The following HDX variants were observed in gnomAD, a reference collection of about 807,000 sequenced individuals.
HDX encodes chromosome X open reading frame 43.
HDX carries 19 observed loss-of-function variants against 45.2 expected under a neutral mutation model. The ratio of observed to expected loss-of-function variants is 0.42; its 90% CI spans 0.29 to 0.62. The LOEUF (loss-of-function observed/expected upper bound fraction) is 0.62. Among genes scored for constraint, HDX ranks in the 20% least tolerant of loss-of-function variants. The pLI, the probability that HDX is intolerant of heterozygous loss-of-function variation, is 0.20. For synonymous variants in HDX, 188 were observed against 172.8 expected (o/e 1.09, Z -0.69); for missense variants, 532 against 493.9 (o/e 1.08, Z -0.73).
intron 5 of HDX, among the ~76,000 whole-genome samples, chrX:84,396,494 A>G (rs2038567444): frequency 8.9e-6 from 1 of 111,772 alleles, no homozygotes; most frequent in Non-Finnish European, 1.9e-5. Flanking sequence ...TAGTGGATCT[A>G]TGGGAGCTGA....
intron 5 of HDX, among the ~76,000 whole-genome samples, chrX:84,374,495 C>T: frequency 9.2e-6 from 1 of 109,137 alleles, no homozygotes; most frequent in African/African-American, 3.4e-5. Context: ...CATCATGCTA[C>T]CTGACTTCAA....
At chrX:84,442,935 C>T (rs1010021690) in intron 4 of HDX, among the ~76,000 whole-genome samples, 1 of 111,550 alleles carries the variant, frequency 9.0e-6, no homozygotes, top group Admixed American at 9.5e-5. Context: ...TTTGTATAAA[C>T]ACTGACTATA....
intron 5 of HDX, among the ~76,000 whole-genome samples, chrX:84,374,105 T>C (rs1254463839): frequency 9.9e-5 from 11 of 110,920 alleles, no homozygotes; most frequent in Non-Finnish European, 1.5e-4. Flanking sequence ...AGCATTCTTA[T>C]ACACCAATAA....
Position 84,361,492 on chromosome X carries a change from A to T in HDX, c.1426T>A (p.Leu476Ile). The T allele has an allele frequency of 1.7e-6, 2 of 1,208,474 alleles. No individual in the cohort carries two copies. The highest frequency in any genetic ancestry group is 2.2e-6 in the Non-Finnish European group (2 of 893,078). Reference protein sequence around the residue: ...REKIEAVATELNVDCEIVRTW... With the variant: ...REKIEAVATEINVDCEIVRTW... Reference sequence around the variant, plus strand: ...CGAACTATTTCACAGTCAACATTTAATTCAGTTGCCACAGCTTCAATTTTC... The same window carrying T: ...CGAACTATTTCACAGTCAACATTTATTTCAGTTGCCACAGCTTCAATTTTC... The change falls in exon 6 of 11, where the codon TTA becomes ATA. Residue 476 changes from leucine to isoleucine, a missense_variant. Leu to Ile is a conservative substitution (Grantham distance 5). Transcript: ENST00000373177.
At position 84,352,261 on chromosome X, in the gene HDX, C is replaced by A. The variant is rs771822900; in HGVS notation, c.1453-7804G>T. 4.6e-3 allele frequency among the ~76,000 whole-genome samples: 518 copies of A among 111,771 alleles called. 2 individuals are homozygous for A. The highest frequency in any genetic ancestry group is 8.0e-3 in the Non-Finnish European group (424 of 53,117). ...TTATATTTGATGGGGGGAATTTTCC[C>A]TTCAAGTTTATGAAATGTAGTTCCT... On this transcript the variant is annotated intron_variant, in intron 6 of 10. Coordinates refer to ENST00000373177, the MANE Select transcript of HDX (RefSeq NM_001177479.2).
intron 1 of HDX, among the ~76,000 whole-genome samples, chrX:84,501,979 G>A (rs767909298): frequency 9.0e-6 from 1 of 111,603 alleles, no homozygotes; most frequent in African/African-American, 3.3e-5. Context: ...GTGAAATCTA[G>A]AAGTGGTAGA....
rs184896346 is a variant in HDX at position 84,415,923 on chromosome X, T to G, written c.1305+24609A>C. ...GAAGCCACTGTTGTCCAAAGCTGAT[T>G]TGATGTTCATAACTAGGCCACAATA... On this transcript the variant is annotated intron_variant, in intron 5 of 10. Coordinates refer to ENST00000373177, the MANE Select transcript of HDX (RefSeq NM_001177479.2). Among the ~76,000 whole-genome samples, 3 of 112,350 alleles carry G rather than the reference T, an allele frequency of 2.7e-5. No individual in the cohort carries two copies. The East Asian group carries it at 8.4e-4, about 32-fold the overall frequency.
At position 84,334,661 on chromosome X, in the gene HDX, T is replaced by TTA. The variant is rs1555979787; in HGVS notation, c.1741-820_1741-819insTA. On this transcript the variant is annotated intron_variant, in intron 8 of 10. Transcript: ENST00000373177. The stretch of plus-strand genomic sequence containing the variant: ...AAGTTCTCTAATCATGTGATTTTTT[T>TTA]AAAAAAAAAGCAAAAAAAAAAAAAA... Among the ~76,000 whole-genome samples the TTA allele has an allele frequency of 5.8e-3, 326 of 55,753 alleles. 2 individuals carry two copies. The highest frequency in any genetic ancestry group is 0.02 in the African/African-American group (293 of 14,668). The allele number at this position is 55,753 out of a possible 115,157, so 48.4% of individuals were successfully genotyped here.
intron 4 of HDX, among the ~76,000 whole-genome samples, chrX:84,446,360 C>G (rs189404231): frequency 9.0e-6 from 1 of 111,720 alleles, no homozygotes; most frequent in Admixed American, 9.5e-5. Flanking sequence ...TGAAATGAAG[C>G]AGTGTATTAC....
intron 9 of HDX, among the ~76,000 whole-genome samples, chrX:84,327,068 T>A (rs1012939548): frequency 1.8e-5 from 2 of 111,765 alleles, no homozygotes; most frequent in African/African-American, 6.5e-5. Flanking sequence ...TTACTAAGAT[T>A]GTCTTAAGTT....
chrX:84,398,091 T>C (rs2038607911), intron 5 of HDX, among the ~76,000 whole-genome samples: 1 of 109,919 alleles, frequency 9.1e-6, no homozygotes, highest in African/African-American at 3.3e-5. Flanking sequence ...ATATATAGTA[T>C]GTGTGTATGT....
At chrX:84,336,724 G>A in intron 8 of HDX, 77 bp downstream of exon 8, 1 of 668,162 alleles carries the variant, frequency 1.5e-6, no homozygotes, top group Non-Finnish European at 2.3e-6. Flanking sequence ...TTCTGAAAAT[G>A]AGAATATTTT....
chrX:84,367,159 A>G (rs1351627483), intron 5 of HDX, among the ~76,000 whole-genome samples: 5 of 111,986 alleles, frequency 4.5e-5, no homozygotes, highest in African/African-American at 1.6e-4. Flanking sequence ...ACAAGAAAAA[A>G]TCAAACAACT....
At chrX:84,459,174 G>A (rs12558665) in intron 4 of HDX, among the ~76,000 whole-genome samples, 2,374 of 111,601 alleles carry the variant, frequency 0.021, 48 homozygotes, top group African/African-American at 0.067. Context: ...TGGGCGTGGT[G>A]GCTCATGCCT....
intron 9 of HDX, among the ~76,000 whole-genome samples, chrX:84,329,443 TA>T (rs2036796524): frequency 3.8e-5 from 3 of 79,823 alleles, no homozygotes; most frequent in South Asian, 7.4e-4. Context: ...TTTCTTAACG[TA>T]AGACTCAGCA....
intron 9 of HDX, among the ~76,000 whole-genome samples, chrX:84,330,724 G>T (rs1390972895): frequency 1.8e-5 from 2 of 111,913 alleles, no homozygotes; most frequent in Admixed American, 1.9e-4. Context: ...CTTTTGGTAT[G>T]CAGACTTCTA....
rs1331496711 is a variant in HDX, at chrX:84,375,798, GACGAGTTAATGGGTGCAGCACACCAGC to G, written c.1306-14213_1306-14187del. 7.2e-5 allele frequency among the ~76,000 whole-genome samples: 8 copies of G among 110,547 alleles called. No individual in the cohort carries two copies. The East Asian group carries it at 2.3e-3, about 32-fold the overall frequency. On this transcript the variant is annotated intron_variant, in intron 5 of 10. Coordinates refer to ENST00000373177, the MANE Select transcript of HDX (RefSeq NM_001177479.2). Reference sequence around the variant, plus strand: ...TTAGGAGATATACCTAATGCTAAATGACGAGTTAATGGGTGCAGCACACCAGCATGGCACATGTATACATATGTAGCT... The same window carrying G: ...TTAGGAGATATACCTAATGCTAAATGATGGCACATGTATACATATGTAGCT...
At chrX:84,374,561 A>ATATAGAT (rs1219649926) in intron 5 of HDX, among the ~76,000 whole-genome samples, 31 of 27,524 alleles carry the variant, frequency 1.1e-3, no homozygotes, top group African/African-American at 2.4e-3. Flanking sequence ...CCAAAACAGA[A>ATATAGAT]CAGAACAGAG....
intron 6 of HDX, among the ~76,000 whole-genome samples, chrX:84,360,495 C>T (rs1602309862): frequency 9.0e-6 from 1 of 111,440 alleles, no homozygotes; most frequent in East Asian, 2.8e-4. Context: ...CAGTGCTGTG[C>T]ACCAGTCACC....
Sources: allele counts gnomAD v4.1 joint callset (sites outside exome capture counted in the v4.1 genomes callset), GRCh38; gene constraint gnomAD v4.1.1; transcripts MANE v1.5; gene names NCBI Gene and HGNC (gene_info 2026-07-23, HGNC 2026-07-21).